The following SRSF4 variants were observed in gnomAD, a reference collection of about 807,000 sequenced individuals.
The protein encoded by SRSF4 is serine/arginine-rich splicing factor 4.
In SRSF4, 12 loss-of-function variants were observed where a neutral mutation model predicts 48.8. That is an observed-to-expected ratio of 0.25 (90% CI 0.16 to 0.40). SRSF4 has a LOEUF of 0.40. SRSF4 is among the 10% of genes least tolerant of loss of function. The pLI, the probability that SRSF4 is intolerant of heterozygous loss-of-function variation, is 1.00. For synonymous variants in SRSF4, 248 were observed against 232.5 expected, an observed-to-expected ratio of 1.07 and a Z score of -0.61; for missense variants, 466 against 667.1, an observed-to-expected ratio of 0.70 and a Z score of 3.32.
Position 29,148,243 on chromosome 1 carries a change from C to T in SRSF4, c.*167G>A. 1 of 1,008,066 alleles carries T rather than the reference C, an allele frequency of 9.9e-7. No homozygotes were observed. 62.4% of individuals were successfully genotyped at this position (1,008,066 alleles called of 1,614,324 possible). On this transcript the variant is annotated 3_prime_UTR_variant, in exon 6 of 6. Transcript: ENST00000373795. ...TCAGTCGAGCAGGAAGGCCTGGTGCCAGGAGGCTTTACTGAGAGGAAGCAC... is the reference window on the plus strand; with the variant it reads ...TCAGTCGAGCAGGAAGGCCTGGTGCTAGGAGGCTTTACTGAGAGGAAGCAC...
At chr1:29,155,030 TTAAA>T (rs1672475825) in intron 3 of SRSF4, 120 bp from the exon 4 acceptor site, 4 of 917,060 alleles carry the variant, frequency 4.4e-6, no homozygotes, top group Non-Finnish European at 6.4e-6. Flanking sequence ...AAGTTTACTC[TTAAA>T]TATTTTCATC....
Position 29,151,899 on chromosome 1 carries a change from G to A in SRSF4, c.579-1707C>T, listed in dbSNP as rs542640327. Among the ~76,000 whole-genome samples the A allele has an allele frequency of 6.4e-4, 98 of 152,342 alleles. 1 individual carries two copies. The highest frequency in any genetic ancestry group is 1.2e-4 in the Non-Finnish European group (8 of 68,036). ...AGAGAGAAAAGGCAAAATGCTATCT[G>A]TTAAAGCCAGAGGAGGGTATACAGG... On this transcript the variant is annotated intron_variant, in intron 4 of 5. Transcript: ENST00000373795.
At chr1:29,150,412 G>C (rs1353600924) in intron 4 of SRSF4, among the ~76,000 whole-genome samples, 2 of 152,110 alleles carry the variant, frequency 1.3e-5, no homozygotes, top group Non-Finnish European at 2.9e-5. Flanking sequence ...TTACAGGCAT[G>C]TGCTACCACG....
intron 1 of SRSF4, among the ~76,000 whole-genome samples, chr1:29,168,126 T>C (rs929666181): frequency 2.0e-5 from 3 of 151,872 alleles, no homozygotes; most frequent in African/African-American, 4.8e-5. Flanking sequence ...GCAATTCTTG[T>C]ACCTCAGCCT....
At chr1:29,173,782 G>A (rs147535377) in intron 1 of SRSF4, among the ~76,000 whole-genome samples, 2 of 151,816 alleles carry the variant, frequency 1.3e-5, no homozygotes, top group East Asian at 3.9e-4. Flanking sequence ...TGCTTGATAG[G>A]CTAAATAGAC....
intron 3 of SRSF4, among the ~76,000 whole-genome samples, chr1:29,158,170 A>G (rs892752103): frequency 4.1e-5 from 6 of 147,956 alleles, no homozygotes; most frequent in African/African-American, 1.5e-4. Context: ...CTCCATCTCA[A>G]AAAAAAAAAA....
chr1:29,169,629 C>CA (rs1193668696), intron 1 of SRSF4: 1 of 151,918 alleles, frequency 6.6e-6, no homozygotes, highest in Admixed American at 6.6e-5. Flanking sequence ...GCAATGAGAA[C>CA]ACAAATATAT....
intron 1 of SRSF4, chr1:29,166,884 A>C (rs1170579881): frequency 6.6e-6 from 1 of 152,290 alleles, no homozygotes; most frequent in Non-Finnish European, 1.5e-5. Context: ...CGTTGGCCAC[A>C]GCTCAGTCTG....
chr1:29,164,578 AAAC>A (rs1672643151), intron 1 of SRSF4, among the ~76,000 whole-genome samples: 1 of 152,234 alleles, frequency 6.6e-6, no homozygotes, highest in African/African-American at 2.4e-5. Context: ...AAGCCTCACA[AAAC>A]AACCCAAGAG....
At chr1:29,155,368 C>T (rs780824874) in intron 3 of SRSF4, among the ~76,000 whole-genome samples, 5 of 152,128 alleles carry the variant, frequency 3.3e-5, no homozygotes, top group Non-Finnish European at 5.9e-5. Flanking sequence ...GAGGTTGAGG[C>T]TGCAGTGAGC....
intron 3 of SRSF4, 25 bp downstream of exon 3, chr1:29,159,349 C>G (rs1167694532): frequency 1.9e-6 from 3 of 1,567,834 alleles, no homozygotes; most frequent in Non-Finnish European, 2.6e-6. Flanking sequence ...CCAACCTTAC[C>G]CCAAAAGGTT....
intron 3 of SRSF4, among the ~76,000 whole-genome samples, chr1:29,155,462 A>G (rs543629244): frequency 2.0e-4 from 30 of 152,246 alleles, no homozygotes; most frequent in African/African-American, 7.2e-4. Context: ...GTGTGAATAT[A>G]GAAGTTTTCA....
chr1:29,156,475 T>C (rs1295643372), intron 3 of SRSF4, among the ~76,000 whole-genome samples: 3 of 152,352 alleles, frequency 2.0e-5, no homozygotes, highest in African/African-American at 7.2e-5. Context: ...TTTTTATATA[T>C]AAAATTCACT....
At chr1:29,178,005 T>G (rs1672895494) in intron 1 of SRSF4, among the ~76,000 whole-genome samples, 1 of 146,282 alleles carries the variant, frequency 6.8e-6, no homozygotes, top group Admixed American at 7.0e-5. Flanking sequence ...GTTCAAGCAA[T>G]TCTCCTGCCT....
chr1:29,153,745 T>G (rs561584844), intron 4 of SRSF4, among the ~76,000 whole-genome samples: 100 of 150,280 alleles, frequency 6.7e-4, no homozygotes, highest in African/African-American at 2.3e-3. Flanking sequence ...ATTACAGGCA[T>G]GCACCACCAA....
intron 3 of SRSF4, among the ~76,000 whole-genome samples, chr1:29,156,383 T>C (rs1031468026): frequency 6.6e-6 from 1 of 151,788 alleles, no homozygotes; most frequent in Non-Finnish European, 1.5e-5. Context: ...TTTTTTAAAC[T>C]ACTAATATCC....
intron 5 of SRSF4, among the ~76,000 whole-genome samples, chr1:29,149,557 T>G (rs1437546716): frequency 6.6e-6 from 1 of 152,036 alleles, no homozygotes. Flanking sequence ...GGCACACGCC[T>G]GTAAACCGAG....
chr1:29,155,782 T>C (rs1352467656), intron 3 of SRSF4, among the ~76,000 whole-genome samples: 1 of 152,206 alleles, frequency 6.6e-6, no homozygotes, highest in Admixed American at 6.5e-5. Context: ...CATGGGTCAC[T>C]GTGCCCAGCC....
intron 4 of SRSF4, among the ~76,000 whole-genome samples, chr1:29,150,685 A>C (rs1022346975): frequency 2.0e-5 from 3 of 152,136 alleles, no homozygotes; most frequent in African/African-American, 4.8e-5. Context: ...ACCTCTTAGC[A>C]GCTCCTGAAA....
Sources: gnomAD v4.1 joint callset for allele counts (sites outside exome capture counted in the v4.1 genomes callset) on GRCh38, gnomAD v4.1.1 for gene constraint, MANE v1.5 for transcripts, NCBI Gene and HGNC (gene_info 2026-07-23, HGNC 2026-07-21) for gene names.